The following DAPK1 variants were observed in gnomAD, a reference collection of about 807,000 sequenced individuals.
The protein encoded by DAPK1 is death associated protein kinase 1.
DAPK1 carries 56 observed loss-of-function variants against 144.9 expected under a neutral mutation model. The observed-to-expected ratio is 0.39, with a 90% CI of 0.31 to 0.48. The LOEUF (loss-of-function observed/expected upper bound fraction) is 0.48, where lower values mean the gene tolerates loss of function less well. DAPK1 is among the 20% of genes least tolerant of loss of function. The probability of loss-of-function intolerance (pLI) is 0.95; values close to 1 mark genes in which losing one functional copy is unlikely to be tolerated. For synonymous variants in DAPK1, 690 were observed against 749.0 expected (o/e 0.92, Z 1.29); for missense variants, 1,454 against 1,875.4 (o/e 0.78, Z 4.15).
intron 2 of DAPK1, among the ~76,000 whole-genome samples, chr9:87,577,249 C>G (rs1211696766): frequency 6.6e-6 from 1 of 152,160 alleles, no homozygotes; most frequent in African/African-American, 2.4e-5. Context: ...TGCAGATTCT[C>G]AGGTTCCACC....
intron 2 of DAPK1, among the ~76,000 whole-genome samples, chr9:87,593,194 C>T (rs903400061): frequency 6.6e-6 from 1 of 152,158 alleles, no homozygotes; most frequent in Non-Finnish European, 1.5e-5. Context: ...TGTTGGCCAC[C>T]CAACTGCACT....
chr9:87,564,688 G>A (rs1827053836), intron 2 of DAPK1, among the ~76,000 whole-genome samples: 1 of 151,690 alleles, frequency 6.6e-6, no homozygotes, highest in African/African-American at 2.4e-5. Context: ...GAGAGATGAA[G>A]CAAGGTAAAC....
intron 21 of DAPK1, among the ~76,000 whole-genome samples, chr9:87,688,164 A>AC (rs1418248041): frequency 7.5e-6 from 1 of 133,242 alleles, no homozygotes; most frequent in Non-Finnish European, 1.6e-5. Flanking sequence ...AATGTTTAGT[A>AC]CCCCCTTATA....
At chr9:87,498,718 C>G (rs748273060) in intron 1 of DAPK1, 19 of 430,650 alleles carry the variant, frequency 4.4e-5, no homozygotes, top group Non-Finnish European at 5.3e-5. Context: ...CTGATCCCAA[C>G]AGACCGCCCA....
intron 3 of DAPK1, among the ~76,000 whole-genome samples, chr9:87,608,506 G>C (rs1323961918): frequency 6.6e-6 from 1 of 152,184 alleles, no homozygotes; most frequent in Non-Finnish European, 1.5e-5. Context: ...TCTTGGGATT[G>C]CTGGATCGTG....
intron 21 of DAPK1, among the ~76,000 whole-genome samples, chr9:87,695,119 C>A (rs532028185): frequency 6.6e-6 from 1 of 152,200 alleles, no homozygotes; most frequent in Non-Finnish European, 1.5e-5. Flanking sequence ...CTTGGGACCC[C>A]AGGCCCTGCT....
In DAPK1 at chr9:87,707,646, T is replaced by C. The variant is rs998137729; in HGVS notation, c.*282T>C. ...TCCTCTCAGTGTTTTGGACTCCATC[T>C]CTCATCCTCCAGTACCTTGCTTCTT... On this transcript the variant is annotated 3_prime_UTR_variant, in exon 26 of 26. Transcript: ENST00000408954. This position sits in a 1 kb window ranked among gnomAD's most constrained non-coding sequence, Gnocchi z 4.0. 4.1e-5 allele frequency: 21 copies of C among 515,614 alleles called. No homozygotes were observed. Among genetic ancestry groups the C allele is most frequent in the Non-Finnish European group, 6.6e-5 (19 of 286,384 alleles). The allele number at this position is 515,614 out of a possible 1,614,324, so 31.9% of individuals were successfully genotyped here.
chr9:87,632,296 T>A (rs1301711067), intron 3 of DAPK1: 4 of 983,306 alleles, frequency 4.1e-6, no homozygotes, highest in Non-Finnish European at 4.8e-6. Context: ...TGAGTACACA[T>A]GTAGAAATGA....
intron 3 of DAPK1, among the ~76,000 whole-genome samples, chr9:87,629,625 T>G (rs1387946400): frequency 6.6e-6 from 1 of 152,190 alleles, no homozygotes; most frequent in African/African-American, 2.4e-5. Flanking sequence ...CAACCCCGCC[T>G]TGGCCTCCCG....
At chr9:87,705,116 G>A (rs910647569) in intron 25 of DAPK1, among the ~76,000 whole-genome samples, 1 of 151,392 alleles carries the variant, frequency 6.6e-6, no homozygotes, top group African/African-American at 2.4e-5. Flanking sequence ...TCACATAATG[G>A]TATAATAATA....
intron 3 of DAPK1, among the ~76,000 whole-genome samples, chr9:87,634,361 G>T (rs3128526): frequency 6.6e-6 from 1 of 152,000 alleles, no homozygotes; most frequent in Non-Finnish European, 1.5e-5. Flanking sequence ...TTCCTTGCTC[G>T]AGGCTCCTTG....
chr9:87,577,487 CGA>C (rs1827606354), intron 2 of DAPK1, among the ~76,000 whole-genome samples: 1 of 152,062 alleles, frequency 6.6e-6, no homozygotes, highest in South Asian at 2.1e-4. Context: ...AGCCCAGGCA[CGA>C]GGATGTTTTA....
intron 20 of DAPK1, among the ~76,000 whole-genome samples, chr9:87,683,858 A>G (rs1824733609): frequency 1.3e-5 from 2 of 152,200 alleles, no homozygotes; most frequent in Non-Finnish European, 2.9e-5. Flanking sequence ...CTTTCAGCCC[A>G]GCCGTGGGGT....
rs2119147189 is a variant in DAPK1, at chr9:87,643,484, A to T, written c.1011+16A>T. 1 of 1,507,272 alleles carries T rather than the reference A, an allele frequency of 6.6e-7. No individual in the cohort carries two copies. Among genetic ancestry groups the T allele is most frequent in the Non-Finnish European group, 9.1e-7 (1 of 1,101,602 alleles). 93.4% of individuals were successfully genotyped at this position (1,507,272 alleles called of 1,614,324 possible). ...TGATACTCTGGTAAGCAAACCCGTG[A>T]GCCCTGGTGCTCCTTTCTTAGCACT... On this transcript the variant is annotated intron_variant, in intron 11 of 25. Transcript: ENST00000408954.
intron 2 of DAPK1, among the ~76,000 whole-genome samples, chr9:87,507,975 A>G (rs1824672199): frequency 6.6e-6 from 1 of 152,202 alleles, no homozygotes; most frequent in African/African-American, 2.4e-5. Flanking sequence ...TTGAATAGTT[A>G]TGTCTTAGTT....
At chr9:87,665,636 G>A (rs889486668) in intron 18 of DAPK1, among the ~76,000 whole-genome samples, 2 of 152,204 alleles carry the variant, frequency 1.3e-5, no homozygotes, top group African/African-American at 4.8e-5. Context: ...ACGTCAATAA[G>A]CAGCATGTCT....
chr9:87,699,977 G>T (rs905934065), intron 23 of DAPK1, 140 bp from the exon 24 acceptor site: 3 of 668,890 alleles, frequency 4.5e-6, no homozygotes, highest in Non-Finnish European at 7.9e-6. Flanking sequence ...CAACAGCAGG[G>T]ATGGGGAGGG....
At position 87,604,981 on chromosome 9, in the gene DAPK1, C is replaced by T. The variant is rs959671790; in HGVS notation, c.90C>T (p.Cys30=). 4 of 1,614,022 alleles carry T rather than the reference C, an allele frequency of 2.5e-6. No homozygotes were observed. The African/African-American group carries it at 5.3e-5, about 22-fold the overall frequency. The part of the protein sequence containing the change: ...GSGQFAVVKK[C]REKSTGLQYA... ...GACAGTTTGCGGTTGTGAAGAAATG[C>T]CGTGAGAAAAGCACCGGCCTCCAGT... Residue 30 remains cysteine, a synonymous_variant, in exon 3 of 26, where the codon TGC becomes TGT. Transcript: ENST00000408954.
At chr9:87,703,499 T>A (rs570660418) in intron 25 of DAPK1, among the ~76,000 whole-genome samples, 1 of 152,274 alleles carries the variant, frequency 6.6e-6, no homozygotes, top group African/African-American at 2.4e-5. Flanking sequence ...CCTGGGTGAC[T>A]GGGTCTCTCT....
Sources: allele counts gnomAD v4.1 joint callset (sites outside exome capture counted in the v4.1 genomes callset), GRCh38; gene constraint gnomAD v4.1.1; non-coding constraint Gnocchi (gnomAD v3.1); transcripts MANE v1.5; gene names NCBI Gene and HGNC (gene_info 2026-07-23, HGNC 2026-07-21).